ARHGAP15: variants seen among roughly 807,000 people sequenced by gnomAD.
The protein encoded by ARHGAP15 is Rho GTPase activating protein 15.
A neutral mutation model predicts 63.7 loss-of-function variants in ARHGAP15; 51 were observed. The observed-to-expected ratio is 0.80, with a 90% confidence interval of 0.64 to 1.01. ARHGAP15 has a LOEUF of 1.01. Ranked by LOEUF, ARHGAP15 falls within the 50% of genes least tolerant of loss-of-function variation. The pLI is 0.00. For missense variants in ARHGAP15, 560 were observed against 564.6 expected (o/e 0.99, Z 0.08); for synonymous variants, 191 against 193.8 (o/e 0.99, Z 0.12).
intron 10 of ARHGAP15, among the ~76,000 whole-genome samples, chr2:143,528,644 A>G (rs1694392188): frequency 6.6e-6 from 1 of 152,080 alleles, no homozygotes; most frequent in African/African-American, 2.4e-5. Flanking sequence ...GAATATACCA[A>G]TGTTATTAAA....
At chr2:143,493,617 G>A (rs1239186119) in intron 9 of ARHGAP15, among the ~76,000 whole-genome samples, 2 of 152,084 alleles carry the variant, frequency 1.3e-5, no homozygotes, top group Non-Finnish European at 2.9e-5. Context: ...CAAACTGTCT[G>A]TGTATTCTAG....
At chr2:143,295,083 A>G (rs375175879) in intron 6 of ARHGAP15, among the ~76,000 whole-genome samples, 2 of 152,068 alleles carry the variant, frequency 1.3e-5, no homozygotes, top group Non-Finnish European at 2.9e-5. Flanking sequence ...GGCTGTGAAT[A>G]TATTTCCCAA....
At position 143,165,951 on chromosome 2, in the gene ARHGAP15, A is replaced by AG. The variant is rs1257585107; in HGVS notation, c.165+10296_165+10297insG. ...CAAGAAAGAAAAGAAAAGAAGAAAG[A>AG]AAGAAAGAGAGAAAGAAAGAAAGAA... On this transcript the variant is annotated intron_variant, in intron 2 of 13. Transcript: ENST00000295095. Among the ~76,000 whole-genome samples, 4 of 128,676 alleles carry AG rather than the reference A, an allele frequency of 3.1e-5. No individual in the cohort carries two copies. The East Asian group carries it at 7.0e-4, about 22-fold the overall frequency. 84.4% of individuals were successfully genotyped at this position (128,676 alleles called of 152,430 possible). A position where few individuals can be genotyped will look rare whatever the true frequency, so the allele number is the denominator to read the frequency against.
chr2:143,326,871 C>G (rs13022501), intron 6 of ARHGAP15, among the ~76,000 whole-genome samples: 2,086 of 152,264 alleles, frequency 0.014, 39 homozygotes, highest in Non-Finnish European at 0.016. Flanking sequence ...GATGCCCTCT[C>G]TCCACCACTC....
rs569482523 is a variant in ARHGAP15, at chr2:143,136,968, A to G, written c.-15+7502A>G. ...CTGCTGTTATTGCAGAATTCTCCTG[A>G]CTCTCCTCCCTGCTTCTATCTTCCC... On this transcript the variant is annotated intron_variant, in intron 1 of 13. Coordinates refer to ENST00000295095, the MANE Select transcript of ARHGAP15 (RefSeq NM_018460.4). Among the ~76,000 whole-genome samples the G allele has an allele frequency of 7.3e-5, 11 of 151,664 alleles. No homozygotes were observed. The South Asian group carries it at 2.1e-3, about 29-fold the overall frequency.
chr2:143,167,144 C>T (rs1690575140), intron 2 of ARHGAP15, among the ~76,000 whole-genome samples: 2 of 152,080 alleles, frequency 1.3e-5, no homozygotes, highest in African/African-American at 4.8e-5. Context: ...AAAAATTTTA[C>T]TTTGATCTTT....
intron 6 of ARHGAP15, among the ~76,000 whole-genome samples, chr2:143,298,134 T>C (rs555601087): frequency 6.6e-6 from 1 of 152,118 alleles, no homozygotes; most frequent in East Asian, 1.9e-4. Context: ...AACAAATAGA[T>C]AACTAGAGTT....
At chr2:143,570,550 A>G (rs565502590) in intron 11 of ARHGAP15, among the ~76,000 whole-genome samples, 3 of 152,212 alleles carry the variant, frequency 2.0e-5, no homozygotes, top group African/African-American at 7.2e-5. Context: ...GATTCCATCC[A>G]GAGTTGGACC....
At chr2:143,543,959 T>G (rs939894445) in intron 10 of ARHGAP15, among the ~76,000 whole-genome samples, 1 of 152,160 alleles carries the variant, frequency 6.6e-6, no homozygotes, top group African/African-American at 2.4e-5. Context: ...TCTTTCTACT[T>G]TATATTGTGA....
intron 9 of ARHGAP15, among the ~76,000 whole-genome samples, chr2:143,517,397 C>A (rs1350614263): frequency 6.6e-6 from 1 of 152,146 alleles, no homozygotes; most frequent in African/African-American, 2.4e-5. Flanking sequence ...CCCCTTATAA[C>A]AATATATATC....
intron 6 of ARHGAP15, among the ~76,000 whole-genome samples, chr2:143,384,462 G>A (rs1378595357): frequency 2.6e-5 from 4 of 151,076 alleles, no homozygotes; most frequent in African/African-American, 7.3e-5. Flanking sequence ...TGGCCACCTC[G>A]GAGACTAACT....
intron 12 of ARHGAP15, among the ~76,000 whole-genome samples, chr2:143,679,879 T>G (rs1683017906): frequency 6.6e-6 from 1 of 152,084 alleles, no homozygotes; most frequent in Non-Finnish European, 1.5e-5. Context: ...ATCTGACAAA[T>G]TCACCCTTTT....
At chr2:143,225,777 A>G (rs903970193) in intron 4 of ARHGAP15, among the ~76,000 whole-genome samples, 1 of 152,190 alleles carries the variant, frequency 6.6e-6, no homozygotes, top group African/African-American at 2.4e-5. Flanking sequence ...AGATGTTAGT[A>G]CTTTCATCAT....
intron 6 of ARHGAP15, among the ~76,000 whole-genome samples, chr2:143,297,547 G>A (rs999623734): frequency 2.0e-5 from 3 of 151,924 alleles, no homozygotes; most frequent in African/African-American, 4.8e-5. Flanking sequence ...GTCTTTAGCA[G>A]CAAATCAAAG....
intron 6 of ARHGAP15, among the ~76,000 whole-genome samples, chr2:143,389,234 G>A (rs1053287402): frequency 6.6e-6 from 1 of 151,806 alleles, no homozygotes; most frequent in Non-Finnish European, 1.5e-5. Flanking sequence ...TTAAGCCCAG[G>A]TCTGCACCAG....
intron 6 of ARHGAP15, among the ~76,000 whole-genome samples, chr2:143,369,146 T>A (rs1285220259): frequency 6.6e-6 from 1 of 152,158 alleles, no homozygotes; most frequent in South Asian, 2.1e-4. Flanking sequence ...TAGTTTTAAA[T>A]GCAATTTCCA....
chr2:143,447,291 TTAAA>T (rs1399761081), intron 8 of ARHGAP15, among the ~76,000 whole-genome samples: 2 of 152,192 alleles, frequency 1.3e-5, no homozygotes, highest in Non-Finnish European at 2.9e-5. Flanking sequence ...ATTTTAATGT[TTAAA>T]TAATACATAT....
chr2:143,132,467 A>T (rs1362471826), intron 1 of ARHGAP15, among the ~76,000 whole-genome samples: 2 of 152,196 alleles, frequency 1.3e-5, no homozygotes, highest in Non-Finnish European at 2.9e-5. Flanking sequence ...TACTGAGTTG[A>T]TCCTTTCAGC....
At chr2:143,730,972 C>A (rs1685507961) in intron 13 of ARHGAP15, among the ~76,000 whole-genome samples, 1 of 112,946 alleles carries the variant, frequency 8.9e-6, no homozygotes, top group Non-Finnish European at 1.6e-5. Flanking sequence ...GAATTTATTG[C>A]AGACATCTGG....
Sources: gnomAD v4.1 joint callset for allele counts (sites outside exome capture counted in the v4.1 genomes callset) on GRCh38, gnomAD v4.1.1 for gene constraint, MANE v1.5 for transcripts, NCBI Gene and HGNC (gene_info 2026-07-23, HGNC 2026-07-21) for gene names.